KCMF1: variants seen among roughly 807,000 people sequenced by gnomAD.
KCMF1 encodes potassium channel modulatory factor 1.
Under a neutral mutation model 41.1 loss-of-function variants are expected in KCMF1, and 3 were observed. The observed-to-expected ratio is 0.07, with a 90% CI of 0.03 to 0.19. KCMF1 has a LOEUF of 0.19. KCMF1 is among the 10% of genes least tolerant of loss of function. KCMF1 has a pLI of 1.00. For synonymous variants in KCMF1, 142 were observed against 164.5 expected, an observed-to-expected ratio of 0.86 and a Z score of 1.04; for missense variants, 286 against 488.9, an observed-to-expected ratio of 0.58 and a Z score of 3.91.
At chr2:85,021,356 G>A (rs1191637965) in intron 1 of KCMF1, among the ~76,000 whole-genome samples, 1 of 152,194 alleles carries the variant, frequency 6.6e-6, no homozygotes, top group African/African-American at 2.4e-5. Context: ...GGGCGCGGTG[G>A]CTCACGCGTG....
chr2:84,983,568 C>T (rs1169344475), intron 1 of KCMF1, among the ~76,000 whole-genome samples: 1 of 152,130 alleles, frequency 6.6e-6, no homozygotes, highest in African/African-American at 2.4e-5. Context: ...AGTAAAATGG[C>T]GTGATCTCAG....
intron 3 of KCMF1, 75 bp downstream of exon 3, chr2:85,035,230 C>A: frequency 1.6e-6 from 2 of 1,244,726 alleles, no homozygotes; most frequent in South Asian, 1.5e-5. Context: ...AAAGCTAGGT[C>A]ACTGTCATCT....
rs1440954434 is a variant in KCMF1 at position 85,013,791 on chromosome 2, C to CT, written c.17-14097dup. ...CCAGCCTGGGCGACAGAGCGAGACT[C>CT]TGTCTCAAAAAAAAAAAAGAATGTT... On this transcript the variant is annotated intron_variant, in intron 1 of 6. Coordinates refer to ENST00000409785, the MANE Select transcript of KCMF1 (RefSeq NM_020122.5). The CT allele has an allele frequency of 1.5e-4, 21 of 142,252 alleles. No individual in the cohort carries two copies. In the Admixed American group the frequency reaches 1.6e-3, roughly 11 times the overall value. The allele number at this position is 142,252 out of a possible 1,614,324, so 8.8% of individuals were successfully genotyped here.
At chr2:85,009,449 A>G (rs7563083) in intron 1 of KCMF1, among the ~76,000 whole-genome samples, 2,680 of 152,300 alleles carry the variant, frequency 0.018, 65 homozygotes, top group African/African-American at 0.061. Flanking sequence ...AGAAAGTGGG[A>G]CATTGCTGTA....
At chr2:84,984,309 A>G (rs6547588) in intron 1 of KCMF1, among the ~76,000 whole-genome samples, 111,546 of 151,900 alleles carry the variant, frequency 0.73, 42,342 homozygotes, top group East Asian at 0.94. Context: ...CTGTGTTGCC[A>G]AGGCTGGTCT....
intron 1 of KCMF1, among the ~76,000 whole-genome samples, chr2:85,004,673 C>G (rs1305159931): frequency 1.3e-5 from 2 of 152,044 alleles, no homozygotes; most frequent in Admixed American, 6.6e-5. Flanking sequence ...TCTGTCTTAA[C>G]TGAGAATGAA....
At chr2:85,017,830 A>G (rs1234334065) in intron 1 of KCMF1, among the ~76,000 whole-genome samples, 2 of 152,218 alleles carry the variant, frequency 1.3e-5, no homozygotes, top group African/African-American at 4.8e-5. Context: ...GTAAACGAAT[A>G]TTAAAAACCT....
rs934531367 is a variant in KCMF1 at position 85,027,366 on chromosome 2, C to CTT, written c.17-496_17-495dup. The stretch of plus-strand genomic sequence containing the variant: ...TTACCTTCTTGCTGGCTTATCAAGG[C>CTT]TTTTTTTTTTTTTTTTTTTTTTTTT... On this transcript the variant is annotated intron_variant, in intron 1 of 6. Coordinates refer to ENST00000409785, the MANE Select transcript of KCMF1 (RefSeq NM_020122.5). 3.0e-3 allele frequency among the ~76,000 whole-genome samples: 198 copies of CTT among 65,734 alleles called. 33 individuals carry two copies. Among genetic ancestry groups the CTT allele is most frequent in the Admixed American group, 5.7e-3 (32 of 5,620 alleles). The allele number at this position is 65,734 out of a possible 152,430, so 43.1% of individuals were successfully genotyped here. A position where few individuals can be genotyped will look rare whatever the true frequency, so the allele number is the denominator to read the frequency against.
At chr2:85,046,467 T>A (rs559020466) in intron 5 of KCMF1, among the ~76,000 whole-genome samples, 189 bp downstream of exon 5, 35 of 152,032 alleles carry the variant, frequency 2.3e-4, no homozygotes, top group African/African-American at 8.2e-4. Context: ...CCATCTCTAC[T>A]AAAAATAAAA....
At chr2:85,008,347 A>ATTATATATCATATGATATATT in intron 1 of KCMF1, among the ~76,000 whole-genome samples, 25 of 7,332 alleles carry the variant, frequency 3.4e-3, no homozygotes, top group Admixed American at 5.6e-3. Flanking sequence ...TATGATATAT[A>ATTATATATCATATGATATATT]ATATATAATA....
intron 1 of KCMF1, among the ~76,000 whole-genome samples, chr2:85,003,525 A>G (rs898306788): frequency 9.9e-5 from 15 of 151,750 alleles, no homozygotes; most frequent in African/African-American, 2.9e-4. Context: ...CCTCGCTTCA[A>G]TCTCTGTTCT....
chr2:85,029,784 C>A (rs1004702481), intron 2 of KCMF1, among the ~76,000 whole-genome samples: 13 of 149,360 alleles, frequency 8.7e-5, no homozygotes, highest in South Asian at 2.1e-4. Flanking sequence ...TGGGTTCAAG[C>A]GATTCTCCTG....
chr2:85,019,789 C>T (rs1364984479), intron 1 of KCMF1, among the ~76,000 whole-genome samples: 4 of 149,318 alleles, frequency 2.7e-5, no homozygotes, highest in Non-Finnish European at 4.4e-5. Context: ...TATATATATA[C>T]GTATATATGT....
chr2:85,014,720 C>CATGCGTGT (rs1553380018), intron 1 of KCMF1, among the ~76,000 whole-genome samples: 1 of 141,760 alleles, frequency 7.1e-6, no homozygotes, highest in Non-Finnish European at 1.5e-5. Context: ...TGCGTGCGTG[C>CATGCGTGT]GTGCGTGTGT....
At chr2:84,989,073 C>T (rs1238877943) in intron 1 of KCMF1, among the ~76,000 whole-genome samples, 1 of 152,076 alleles carries the variant, frequency 6.6e-6, no homozygotes, top group East Asian at 1.9e-4. Context: ...GATAGGGGAC[C>T]AGATTTCTCC....
chr2:85,013,692 G>T (rs1041604073), intron 1 of KCMF1, among the ~76,000 whole-genome samples: 6 of 152,016 alleles, frequency 3.9e-5, no homozygotes, highest in African/African-American at 1.2e-4. Context: ...CAGCTACTCG[G>T]GAGGCTGAGG....
intron 2 of KCMF1, among the ~76,000 whole-genome samples, chr2:85,032,779 G>C (rs1285422277): frequency 6.6e-6 from 1 of 152,206 alleles, no homozygotes; most frequent in African/African-American, 2.4e-5. Flanking sequence ...CCCTCCCAAA[G>C]TGCTAGGATT....
At chr2:85,045,040 A>G (rs1675630766) in intron 4 of KCMF1, among the ~76,000 whole-genome samples, 2 of 152,168 alleles carry the variant, frequency 1.3e-5, no homozygotes, top group South Asian at 2.1e-4. Context: ...TGAGCCTAGA[A>G]GTTTGAAACC....
intron 2 of KCMF1, among the ~76,000 whole-genome samples, chr2:85,034,776 C>T (rs1340470947): frequency 6.6e-6 from 1 of 152,098 alleles, no homozygotes; most frequent in Non-Finnish European, 1.5e-5. Context: ...CATCTGCCAC[C>T]ATGCCTGGCT....
Sources: allele counts gnomAD v4.1 joint callset (sites outside exome capture counted in the v4.1 genomes callset), GRCh38; gene constraint gnomAD v4.1.1; transcripts MANE v1.5; gene names NCBI Gene and HGNC (gene_info 2026-07-23, HGNC 2026-07-21).